SAMD12: variants seen among roughly 807,000 people sequenced by gnomAD.
The protein encoded by SAMD12 is sterile alpha motif domain-containing protein 12.
Under a neutral mutation model 15.0 loss-of-function variants are expected in SAMD12, and 9 were observed. The ratio of observed to expected loss-of-function variants is 0.60; its 90% CI spans 0.36 to 1.05. SAMD12 has a LOEUF of 1.05. SAMD12 is among the 50% of genes least tolerant of loss of function. The pLI, the probability that SAMD12 is intolerant of heterozygous loss-of-function variation, is 0.01. For missense variants in SAMD12, 230 were observed against 234.2 expected, an observed-to-expected ratio of 0.98 and a Z score of 0.12; for synonymous variants, 86 against 90.1, an observed-to-expected ratio of 0.96 and a Z score of 0.25.
intron 4 of SAMD12, among the ~76,000 whole-genome samples, chr8:118,329,190 A>G (rs928297612): frequency 6.6e-6 from 1 of 152,196 alleles, no homozygotes; most frequent in African/African-American, 2.4e-5. Context: ...GGTACTCTGC[A>G]GAAACCCCTT....
chr8:118,412,543 A>T (rs528816269), intron 3 of SAMD12, among the ~76,000 whole-genome samples: 1 of 152,296 alleles, frequency 6.6e-6, no homozygotes, highest in Admixed American at 6.5e-5. Flanking sequence ...GGAAGTCGGG[A>T]GCATGGAGGA....
chr8:118,585,025 C>T (rs1383900322), intron 1 of SAMD12, among the ~76,000 whole-genome samples: 2 of 151,950 alleles, frequency 1.3e-5, no homozygotes, highest in African/African-American at 4.8e-5. Flanking sequence ...CAGCATTATT[C>T]ATAACAGTCA....
At chr8:118,521,338 G>T (rs935113969) in intron 2 of SAMD12, among the ~76,000 whole-genome samples, 4 of 152,142 alleles carry the variant, frequency 2.6e-5, no homozygotes, top group African/African-American at 9.7e-5. Flanking sequence ...GCTAGCAGAG[G>T]AGGCTGAGCA....
chr8:118,440,843 G>A (rs1414703636), intron 2 of SAMD12, among the ~76,000 whole-genome samples: 1 of 152,046 alleles, frequency 6.6e-6, no homozygotes, highest in Non-Finnish European at 1.5e-5. Flanking sequence ...CTCCCTCAGA[G>A]ATCCCAGGAA....
chr8:118,398,080 C>T (rs534905373), intron 3 of SAMD12, among the ~76,000 whole-genome samples: 6 of 152,286 alleles, frequency 3.9e-5, no homozygotes, highest in Admixed American at 6.5e-5. Context: ...TGAGCCACCA[C>T]GCCAAGCCAG....
chr8:118,584,263 T>G (rs1239071209), intron 1 of SAMD12, among the ~76,000 whole-genome samples: 5 of 152,220 alleles, frequency 3.3e-5, no homozygotes, highest in Admixed American at 3.3e-4. Context: ...TGATAGACTT[T>G]GCTTTGTTTT....
At chr8:118,466,021 A>G (rs1452557717) in intron 2 of SAMD12, among the ~76,000 whole-genome samples, 1 of 152,210 alleles carries the variant, frequency 6.6e-6, no homozygotes, top group Non-Finnish European at 1.5e-5. Context: ...CTAGCATATT[A>G]GATGAGGAAT....
At chr8:118,544,059 C>T (rs908397826) in intron 2 of SAMD12, among the ~76,000 whole-genome samples, 11 of 152,098 alleles carry the variant, frequency 7.2e-5, no homozygotes, top group Admixed American at 3.9e-4. Context: ...TCCCAATCCA[C>T]CCTACCCATC....
chr8:118,612,965 G>C (rs1828143405), intron 1 of SAMD12, among the ~76,000 whole-genome samples: 1 of 152,186 alleles, frequency 6.6e-6, no homozygotes, highest in African/African-American at 2.4e-5. Context: ...TGGCAACACA[G>C]TGTATGATAC....
chr8:118,175,825 A>G, the SAMD12 span, among the ~76,000 whole-genome samples: 1 of 152,268 alleles, frequency 6.6e-6, no homozygotes. Flanking sequence ...ATTATTAAAA[A>G]GTCAAGAAGT....
chr8:118,301,784 C>T (rs946887078), intron 4 of SAMD12, among the ~76,000 whole-genome samples: 5 of 152,182 alleles, frequency 3.3e-5, no homozygotes, highest in African/African-American at 1.2e-4. Flanking sequence ...TCCTCTTCTG[C>T]ATTTCTACAC....
chr8:118,349,951 G>A (rs1001584123), intron 4 of SAMD12, among the ~76,000 whole-genome samples: 19 of 152,104 alleles, frequency 1.2e-4, no homozygotes, highest in African/African-American at 4.6e-4. Flanking sequence ...AACATAGTGA[G>A]ATCTCATCTC....
At chr8:118,559,458 T>C (rs1172945887) in intron 2 of SAMD12, among the ~76,000 whole-genome samples, 1 of 152,208 alleles carries the variant, frequency 6.6e-6, no homozygotes, top group Non-Finnish European at 1.5e-5. Flanking sequence ...GATTTGCAGT[T>C]TCCTTTTTGT....
chr8:118,585,578 T>C (rs762189984), intron 1 of SAMD12, among the ~76,000 whole-genome samples: 2 of 152,258 alleles, frequency 1.3e-5, no homozygotes, highest in African/African-American at 2.4e-5. Flanking sequence ...TGAGAGTTTA[T>C]TTATGAATAA....
chr8:118,182,000 A>G, the SAMD12 span, among the ~76,000 whole-genome samples: 1 of 152,268 alleles, frequency 6.6e-6, no homozygotes, highest in South Asian at 2.1e-4. Flanking sequence ...CTGAGACCAC[A>G]TTATTTTGGA....
chr8:118,161,561 T>TG, the SAMD12 span, among the ~76,000 whole-genome samples: 1 of 126,774 alleles, frequency 7.9e-6, no homozygotes, highest in East Asian at 2.3e-4. Context: ...TAAGACTGTC[T>TG]AAAAAAAAAA....
rs531907643 is a variant in SAMD12, at chr8:118,562,906, T to C, written c.192+17809A>G. 9.2e-5 allele frequency among the ~76,000 whole-genome samples: 14 copies of C among 152,276 alleles called. No individual in the cohort carries two copies. In the East Asian group the frequency reaches 2.7e-3, roughly 29 times the overall value. ...GAAGTCAGGCCTGGAGATAAGGAGC[T>C]GTCATCTTCATGGAGATTGCCAAGG... On this transcript the variant is annotated intron_variant, in intron 2 of 3. Transcript: ENST00000314727.
intron 1 of SAMD12, among the ~76,000 whole-genome samples, chr8:118,590,452 C>T (rs1827559922): frequency 6.6e-6 from 1 of 152,188 alleles, no homozygotes; most frequent in African/African-American, 2.4e-5. Context: ...ATTTTCACCT[C>T]TACCAGTTTA....
intron 4 of SAMD12, among the ~76,000 whole-genome samples, chr8:118,314,518 T>C (rs6991597): frequency 0.48 from 72,580 of 152,034 alleles, 19,887 homozygotes; most frequent in African/African-American, 0.77. Context: ...GATTTCCTTG[T>C]GCTATACTTT....
Sources: allele counts gnomAD v4.1 joint callset (sites outside exome capture counted in the v4.1 genomes callset), GRCh38; gene constraint gnomAD v4.1.1; transcripts MANE v1.5; gene names NCBI Gene and HGNC (gene_info 2026-07-23, HGNC 2026-07-21).